The following RANBP10 variants were observed in gnomAD, a reference collection of about 807,000 sequenced individuals.
The protein encoded by RANBP10 is ran-binding protein 10.
RANBP10 carries 24 observed loss-of-function variants against 72.8 expected under a neutral mutation model. The ratio of observed to expected loss-of-function variants is 0.33; its 90% CI spans 0.24 to 0.46. RANBP10 has a LOEUF of 0.46. Among genes scored for constraint, RANBP10 ranks in the 20% least tolerant of loss-of-function variants. The pLI is 1.00. For synonymous variants in RANBP10, 310 were observed against 322.3 expected (o/e 0.96, Z 0.41); for missense variants, 679 against 817.5 (o/e 0.83, Z 2.07).
At position 67,766,310 on chromosome 16, in the gene RANBP10, G is replaced by A. The variant is rs139783482; in HGVS notation, c.400+5724C>T. Among the ~76,000 whole-genome samples, 1,157 of 152,288 alleles carry A rather than the reference G, an allele frequency of 7.6e-3. 5 individuals carry two copies. Among genetic ancestry groups the A allele is most frequent in the Non-Finnish European group, 0.013 (876 of 68,028 alleles). On this transcript the variant is annotated intron_variant, in intron 3 of 13. Transcript: ENST00000317506. ...AAAAAGTGATCCCAGAAACTGGAAAGCACCAAAAGGGATTCCGACTTCAAA... is the reference window on the plus strand; with the variant it reads ...AAAAAGTGATCCCAGAAACTGGAAAACACCAAAAGGGATTCCGACTTCAAA...
chr16:67,780,299 C>G (rs1255790582), intron 2 of RANBP10, among the ~76,000 whole-genome samples: 2 of 152,028 alleles, frequency 1.3e-5, no homozygotes, highest in Non-Finnish European at 2.9e-5. Flanking sequence ...AAAGCAGCCA[C>G]GTGGTTGGGG....
chr16:67,791,248 C>T (rs2055022200), intron 2 of RANBP10, among the ~76,000 whole-genome samples: 2 of 152,048 alleles, frequency 1.3e-5, no homozygotes, highest in Non-Finnish European at 2.9e-5. Flanking sequence ...CTCCTGACCT[C>T]GTGATCCACC....
intron 2 of RANBP10, among the ~76,000 whole-genome samples, chr16:67,799,285 C>CTTT (rs869030467): frequency 9.7e-5 from 11 of 113,960 alleles, no homozygotes; most frequent in Admixed American, 1.8e-4. Flanking sequence ...CTCCACATCT[C>CTTT]TTTTTTTTTT....
chr16:67,757,966 C>A (rs1231718061), intron 3 of RANBP10, among the ~76,000 whole-genome samples: 1 of 152,210 alleles, frequency 6.6e-6, no homozygotes, highest in African/African-American at 2.4e-5. Flanking sequence ...CAGGGGCTGA[C>A]ACCAAGTGGG....
intron 3 of RANBP10, among the ~76,000 whole-genome samples, chr16:67,769,745 C>CAAA (rs58319144): frequency 0.011 from 299 of 27,770 alleles, 20 homozygotes; most frequent in Admixed American, 0.01. Flanking sequence ...GACTCCGTCT[C>CAAA]AAAAAAAAAA....
intron 4 of RANBP10, among the ~76,000 whole-genome samples, chr16:67,742,893 C>G (rs1376668069): frequency 6.6e-6 from 1 of 152,166 alleles, no homozygotes; most frequent in African/African-American, 2.4e-5. Flanking sequence ...CCTGGCCCAC[C>G]CTCTATCCAC....
intron 4 of RANBP10, chr16:67,738,838 T>G (rs2053910295): frequency 6.6e-6 from 1 of 152,338 alleles, no homozygotes; most frequent in African/African-American, 2.4e-5. Context: ...GGCAGGTGCA[T>G]AGCTCCTCCA....
At position 67,725,977 on chromosome 16, in the gene RANBP10, T is replaced by TTTA. The variant is rs2053590625; in HGVS notation, c.*450_*451insTAA. 2 of 148,592 alleles carry TTTA rather than the reference T, an allele frequency of 1.3e-5. No homozygotes were observed. The allele number at this position is 148,592 out of a possible 1,614,324, so 9.2% of individuals were successfully genotyped here. On this transcript the variant is annotated 3_prime_UTR_variant, in exon 14 of 14. Transcript: ENST00000317506. ...TTTTTTTAATATATATATTTTTATA[T>TTTA]ATATATATATAATCTCATTTGTTTT...
chr16:67,781,690 C>T lies in RANBP10; in HGVS notation c.348-9604G>A, dbSNP rs550240626. 1.7e-3 allele frequency among the ~76,000 whole-genome samples: 252 copies of T among 152,270 alleles called. 1 individual carries two copies. Among genetic ancestry groups the T allele is most frequent in the African/African-American group, 5.8e-3 (241 of 41,546 alleles). On this transcript the variant is annotated intron_variant, in intron 2 of 13. Transcript: ENST00000317506. ...CGTGGCAGTGAGGCCATGAGTAGGC[C>T]TGTAACTTCTCAGTTCCTACCGTTG...
At chr16:67,788,625 C>T (rs1483393253) in intron 2 of RANBP10, among the ~76,000 whole-genome samples, 4 of 151,742 alleles carry the variant, frequency 2.6e-5, no homozygotes. Context: ...CTCCTGACCT[C>T]GTGATCTGCC....
intron 3 of RANBP10, among the ~76,000 whole-genome samples, chr16:67,756,240 C>T (rs528499223): frequency 6.6e-6 from 1 of 152,234 alleles, no homozygotes; most frequent in African/African-American, 2.4e-5. Flanking sequence ...TCTGCCAGGG[C>T]AGATCCAAGG....
intron 5 of RANBP10, among the ~76,000 whole-genome samples, chr16:67,736,523 A>C (rs1363568992): frequency 6.6e-6 from 1 of 152,164 alleles, no homozygotes; most frequent in African/African-American, 2.4e-5. Flanking sequence ...GCTTCAGCCC[A>C]CCATGGGCTC....
chr16:67,775,832 G>T (rs1309410526), intron 2 of RANBP10, among the ~76,000 whole-genome samples: 1 of 148,620 alleles, frequency 6.7e-6, no homozygotes, highest in Non-Finnish European at 1.5e-5. Flanking sequence ...AAAAGAAAGG[G>T]AAACTCTAAA....
Position 67,729,226 on chromosome 16 carries a change from G to T in RANBP10, c.1352+54C>A. ...GGCGCTCAAAGGACAGACTGCAATG[G>T]GCCCAGCTGGCATAAGGCAGAAGGC... On this transcript the variant is annotated intron_variant, in intron 10 of 13. Coordinates refer to ENST00000317506, the MANE Select transcript of RANBP10 (RefSeq NM_020850.3). The surrounding 1 kb of genome is among the most constrained non-coding windows in gnomAD (Gnocchi z 7.1). 1.3e-6 allele frequency: 2 copies of T among 1,592,714 alleles called. No individual in the cohort carries two copies. The highest frequency in any genetic ancestry group is 1.7e-6 in the Non-Finnish European group (2 of 1,168,772).
intron 2 of RANBP10, among the ~76,000 whole-genome samples, chr16:67,793,367 A>G (rs1487586369): frequency 6.7e-6 from 1 of 149,672 alleles, no homozygotes; most frequent in Non-Finnish European, 1.5e-5. Context: ...GCTGGAGCAC[A>G]ATGGCACGAC....
chr16:67,781,850 G>T (rs1188069235), intron 2 of RANBP10, among the ~76,000 whole-genome samples: 1 of 152,176 alleles, frequency 6.6e-6, no homozygotes, highest in Non-Finnish European at 1.5e-5. Flanking sequence ...ACAAGATAGA[G>T]AAGAAGCAAC....
chr16:67,749,127 A>G (rs1022629678), intron 3 of RANBP10, among the ~76,000 whole-genome samples: 2 of 152,236 alleles, frequency 1.3e-5, no homozygotes, highest in African/African-American at 2.4e-5. Flanking sequence ...GAAAAGAAGG[A>G]TAACAGGGCC....
Position 67,730,583 on chromosome 16 carries a change from G to C in RANBP10, c.890-537C>G, listed in dbSNP as rs929282509. ...TCCTCATGCTGGCACCTCTGATGTT[G>C]ACACCTCTCACGCCATCAGCATCTT... is the stretch of plus-strand genomic sequence containing the variant. On this transcript the variant is annotated intron_variant, in intron 7 of 13. Coordinates refer to ENST00000317506, the MANE Select transcript of RANBP10 (RefSeq NM_020850.3). This position sits in a 1 kb window ranked among gnomAD's most constrained non-coding sequence, Gnocchi z 4.3. 2.6e-5 allele frequency among the ~76,000 whole-genome samples: 4 copies of C among 152,206 alleles called. No homozygotes were observed. Among genetic ancestry groups the C allele is most frequent in the Admixed American group, 6.5e-5 (1 of 15,284 alleles).
intron 3 of RANBP10, among the ~76,000 whole-genome samples, chr16:67,758,330 G>A (rs150091857): frequency 4.6e-5 from 7 of 152,340 alleles, no homozygotes; most frequent in Non-Finnish European, 8.8e-5. Flanking sequence ...ACATCAGCTT[G>A]CCAGGCTAGG....
Sources: allele counts gnomAD v4.1 joint callset (sites outside exome capture counted in the v4.1 genomes callset), GRCh38; gene constraint gnomAD v4.1.1; non-coding constraint Gnocchi (gnomAD v3.1); transcripts MANE v1.5; gene names NCBI Gene and HGNC (gene_info 2026-07-23, HGNC 2026-07-21).